MXD3: variants seen among roughly 807,000 people sequenced by gnomAD.
The protein encoded by MXD3 is Max-associated protein 3.
MXD3 carries 20 observed loss-of-function variants against 27.5 expected under a neutral mutation model. The ratio of observed to expected loss-of-function variants is 0.73; its 90% CI spans 0.51 to 1.06. The LOEUF is 1.06. Among genes scored for constraint, MXD3 ranks in the 50% least tolerant of loss-of-function variants. The pLI, the probability that MXD3 is intolerant of heterozygous loss-of-function variation, is 0.00. For missense variants in MXD3, 298 were observed against 291.3 expected, an observed-to-expected ratio of 1.02 and a Z score of -0.17; for synonymous variants, 150 against 130.7, an observed-to-expected ratio of 1.15 and a Z score of -1.01.
chr5:177,310,644 T>C (rs1306210082), intron 3 of MXD3, 24 bp downstream of exon 3: 3 of 1,614,170 alleles, frequency 1.9e-6, no homozygotes, highest in Non-Finnish European at 2.5e-6. Flanking sequence ...GGGCTGGCGC[T>C]GTCAGGGCAG....
At chr5:177,309,590 C>T (rs539329379) in intron 4 of MXD3, among the ~76,000 whole-genome samples, 31 of 152,236 alleles carry the variant, frequency 2.0e-4, no homozygotes, top group African/African-American at 7.2e-4. Flanking sequence ...TTACTAACAG[C>T]GCATAGGTCT....
At chr5:177,307,057 G>C (rs1292928229), downstream of MXD3, 1 of 1,455,528 alleles carries the variant, frequency 6.9e-7, no homozygotes, top group African/African-American at 1.4e-5. Flanking sequence ...CATCCGTGAA[G>C]TGGAGACAGA....
In MXD3 at chr5:177,307,511, A is replaced by G. The variant is rs780947662; in HGVS notation, c.*77T>C. 2.6e-6 allele frequency: 4 copies of G among 1,568,482 alleles called. No individual in the cohort carries two copies. Among genetic ancestry groups the G allele is most frequent in the Non-Finnish European group, 3.4e-6 (4 of 1,159,524 alleles). On this transcript the variant is annotated 3_prime_UTR_variant, in exon 6 of 6. Coordinates refer to ENST00000439742, the MANE Select transcript of MXD3 (RefSeq NM_031300.4). ...AACAGGTGACTCCGAGCAGCCCTGA[A>G]GGCTTGGGGAGGGCTCCTGCCTGGC... is the stretch of plus-strand genomic sequence containing the variant.
At chr5:177,306,682 G>A, downstream of MXD3, 2 of 1,443,908 alleles carry the variant, frequency 1.4e-6, no homozygotes, top group Non-Finnish European at 9.3e-7. Flanking sequence ...CTGTCTACGT[G>A]GTGGGTTGTG....
Position 177,307,569 on chromosome 5 carries a change from C to A in MXD3, c.*19G>T, listed in dbSNP as rs762011574. ...CCTGGCACGAGTAGAGGGCAGAGGC[C>A]CGCCCTGGGTGAGGAACATCATAGC... On this transcript the variant is annotated 3_prime_UTR_variant, in exon 6 of 6. Coordinates refer to ENST00000439742, the MANE Select transcript of MXD3 (RefSeq NM_031300.4). 9 of 1,610,516 alleles carry A rather than the reference C, an allele frequency of 5.6e-6. No homozygotes were observed. Among genetic ancestry groups the A allele is most frequent in the Non-Finnish European group, 5.9e-6 (7 of 1,179,368 alleles).
In MXD3 at chr5:177,307,843, C is replaced by T. The variant is rs775456603; in HGVS notation, c.443G>A (p.Arg148Gln). The T allele has an allele frequency of 3.7e-6, 6 of 1,610,776 alleles. No homozygotes were observed. Among genetic ancestry groups the T allele is most frequent in the Admixed American group, 1.7e-5 (1 of 59,878 alleles). ...GGAGTCCAGACTGTCCGCCCGCAGC[C>T]GCTCCCGCTCGGCCGCCCCTGCCAG... Reference protein sequence around the residue: ...RGLAGAAERERLRADSLDSSG... With the variant: ...RGLAGAAEREQLRADSLDSSG... The change falls in exon 5 of 6, where the codon CGG becomes CAG. Residue 148 changes from arginine to glutamine, a missense_variant. Physicochemically the swap from Arg to Gln is conservative, Grantham distance 43 (BLOSUM62 1). Transcript: ENST00000439742.
In MXD3 at chr5:177,307,717, G is replaced by T; in HGVS notation, c.506-14C>A. On this transcript the variant is annotated splice_polypyrimidine_tract_variant and intron_variant, in intron 5 of 5. Coordinates refer to ENST00000439742, the MANE Select transcript of MXD3 (RefSeq NM_031300.4). ...CCTCCAGCTCCTCTGCGCGGGGAGGGGTCCGGTCAGAAGACCTGGCTCGCC... is the reference window on the plus strand; with the variant it reads ...CCTCCAGCTCCTCTGCGCGGGGAGGTGTCCGGTCAGAAGACCTGGCTCGCC... 6.2e-7 allele frequency: 1 copy of T among 1,613,738 alleles called. No individual in the cohort carries two copies. The highest frequency in any genetic ancestry group is 8.5e-7 in the Non-Finnish European group (1 of 1,179,916).
At chr5:177,310,624 T>C (rs1761012573) in intron 3 of MXD3, 44 bp downstream of exon 3, 1 of 1,613,872 alleles carries the variant, frequency 6.2e-7, no homozygotes, top group Non-Finnish European at 8.5e-7. Flanking sequence ...CAGAGGGCAG[T>C]GGCCCCTGGG....
chr5:177,307,717 G>C lies in MXD3; in HGVS notation c.506-14C>G. ...CCTCCAGCTCCTCTGCGCGGGGAGG[G>C]GTCCGGTCAGAAGACCTGGCTCGCC... On this transcript the variant is annotated splice_polypyrimidine_tract_variant and intron_variant, in intron 5 of 5. Coordinates refer to ENST00000439742, the MANE Select transcript of MXD3 (RefSeq NM_031300.4). 6.2e-7 allele frequency: 1 copy of C among 1,613,738 alleles called. No homozygotes were observed. Among genetic ancestry groups the C allele is most frequent in the Non-Finnish European group, 8.5e-7 (1 of 1,179,916 alleles).
At chr5:177,306,610 T>C (rs1581587827), downstream of MXD3, 10 of 1,591,782 alleles carry the variant, frequency 6.3e-6, no homozygotes, top group East Asian at 2.3e-4. Flanking sequence ...CAGCTAGGCT[T>C]AGCCTCTCTG....
downstream of MXD3, chr5:177,306,033 G>A (rs761349737): frequency 5.0e-6 from 8 of 1,600,870 alleles, no homozygotes; most frequent in South Asian, 1.1e-5. Flanking sequence ...CAGTGCTTTC[G>A]GTGTTGGGGC....
In MXD3 at chr5:177,311,837, G is replaced by T. The variant is rs1351338653; in HGVS notation, c.-7C>A. The T allele has an allele frequency of 3.1e-6, 5 of 1,610,598 alleles. No individual in the cohort carries two copies. The highest frequency in any genetic ancestry group is 4.5e-5 in the East Asian group (2 of 44,754). Reference sequence around the variant, plus strand: ...TGCTGGCCAAGGGTTCCATGTCGGCGACAGCTGGCGGCGGGCCGGCCTAGG... The same window carrying T: ...TGCTGGCCAAGGGTTCCATGTCGGCTACAGCTGGCGGCGGGCCGGCCTAGG... On this transcript the variant is annotated 5_prime_UTR_variant, in exon 1 of 6. Coordinates refer to ENST00000439742, the MANE Select transcript of MXD3 (RefSeq NM_031300.4).
Position 177,307,243 on chromosome 5 carries a change from A to G in MXD3, c.*345T>C. On this transcript the variant is annotated 3_prime_UTR_variant, in exon 6 of 6. Coordinates refer to ENST00000439742, the MANE Select transcript of MXD3 (RefSeq NM_031300.4). Reference sequence around the variant, plus strand: ...GAGGCTTTTAATGAAAATACTGTACAGTTTATGTGAGGCAAAGGCAGGGGG... The same window carrying G: ...GAGGCTTTTAATGAAAATACTGTACGGTTTATGTGAGGCAAAGGCAGGGGG... 1 of 1,551,710 alleles carries G rather than the reference A, an allele frequency of 6.4e-7. No homozygotes were observed. The highest frequency in any genetic ancestry group is 8.7e-7 in the Non-Finnish European group (1 of 1,146,984).
downstream of MXD3, chr5:177,305,914 G>C: frequency 6.2e-7 from 1 of 1,614,198 alleles, no homozygotes; most frequent in Admixed American, 1.7e-5. Flanking sequence ...TCTGACAACA[G>C]TGGCTGGACT....
Position 177,311,891 on chromosome 5 carries a change from CTTT to C in MXD3, c.-64_-62del. 6.4e-6 allele frequency: 10 copies of C among 1,566,864 alleles called. No homozygotes were observed. The highest frequency in any genetic ancestry group is 8.6e-6 in the Non-Finnish European group (10 of 1,158,538). On this transcript the variant is annotated 5_prime_UTR_variant, in exon 1 of 6. Coordinates refer to ENST00000439742, the MANE Select transcript of MXD3 (RefSeq NM_031300.4). Reference sequence around the variant, plus strand: ...CCGGCCGGAGCAAGCGGCTGCAGCACTTTTGTTACAAAGTAACTGACACGGTGC... The same window carrying C: ...CCGGCCGGAGCAAGCGGCTGCAGCACTGTTACAAAGTAACTGACACGGTGC...
At chr5:177,310,404 C>G (rs762278695) in intron 4 of MXD3, 22 bp downstream of exon 4, 1 of 1,594,416 alleles carries the variant, frequency 6.3e-7, no homozygotes, top group Admixed American at 1.7e-5. Context: ...CAAGCCAGTC[C>G]GGGCGCAGTG....
rs751248297 is a variant in MXD3 at position 177,310,474 on chromosome 5, G to A, written c.273C>T (p.Ala91=). The A allele has an allele frequency of 6.2e-7, 1 of 1,613,190 alleles. No individual in the cohort carries two copies. Among genetic ancestry groups the A allele is most frequent in the East Asian group, 2.2e-5 (1 of 44,868 alleles). The change falls in exon 4 of 6, where the codon GCC becomes GCT. Residue 91 remains alanine (A), a synonymous_variant. Transcript: ENST00000439742. ...GCAGCAGGCTCAGCGTGGTGTACCGGGCACAGTCGGCCCCCAGGGGCATCT... is the reference window on the plus strand; with the variant it reads ...GCAGCAGGCTCAGCGTGGTGTACCGAGCACAGTCGGCCCCCAGGGGCATCT... ...KQQMPLGADC[A]RYTTLSLLRR...
downstream of MXD3, chr5:177,305,612 T>G (rs931155235): frequency 2.2e-5 from 11 of 491,416 alleles, no homozygotes; most frequent in African/African-American, 2.1e-4. Flanking sequence ...AGGAGCAGGA[T>G]GGGCTGGAAG....
At chr5:177,306,673 T>C, downstream of MXD3, 1 of 1,476,332 alleles carries the variant, frequency 6.8e-7, no homozygotes, top group Non-Finnish European at 9.1e-7. Flanking sequence ...CCCTGTCTGC[T>C]GTCTACGTGG....
Sources: gnomAD v4.1 joint callset for allele counts (sites outside exome capture counted in the v4.1 genomes callset) on GRCh38, gnomAD v4.1.1 for gene constraint, MANE v1.5 for transcripts, NCBI Gene and HGNC (gene_info 2026-07-23, HGNC 2026-07-21) for gene names.